Variants in ATP1B1 observed in about 807,000 individuals in gnomAD.
The protein encoded by ATP1B1 is ATPase Na+/K+ transporting subunit beta 1.
ATP1B1 carries 3 observed loss-of-function variants against 39.6 expected under a neutral mutation model. The observed-to-expected ratio is 0.08, with a 90% confidence interval of 0.03 to 0.20. The LOEUF is 0.20. Among genes scored for constraint, ATP1B1 ranks in the 10% least tolerant of loss-of-function variants. The pLI is 1.00. For synonymous variants in ATP1B1, 139 were observed against 135.0 expected (o/e 1.03, Z -0.20); for missense variants, 216 against 371.1 (o/e 0.58, Z 3.43).
intron 1 of ATP1B1, among the ~76,000 whole-genome samples, chr1:169,108,519 G>A (rs1196980002): frequency 6.6e-6 from 1 of 152,204 alleles, no homozygotes; most frequent in African/African-American, 2.4e-5. Flanking sequence ...CACAGGGGCA[G>A]GGGCTGCATT....
chr1:169,131,219 GAGTCTT>G lies in ATP1B1; in HGVS notation c.649-72_649-67del. 7.1e-7 allele frequency: 1 copy of G among 1,403,898 alleles called. No individual in the cohort carries two copies. The highest frequency in any genetic ancestry group is 9.4e-7 in the Non-Finnish European group (1 of 1,060,822). 87.0% of individuals were successfully genotyped at this position (1,403,898 alleles called of 1,614,324 possible). A position where few individuals can be genotyped will look rare whatever the true frequency, so the allele number is the denominator to read the frequency against. Reference sequence around the variant, plus strand: ...TAGTTTGCAAACTACTGTGTAGATTGAGTCTTGTTTTTGAGTACACATAGTGATGCA... The same window carrying G: ...TAGTTTGCAAACTACTGTGTAGATTGGTTTTTGAGTACACATAGTGATGCA... On this transcript the variant is annotated intron_variant, in intron 5 of 5. Coordinates refer to ENST00000367815, the MANE Select transcript of ATP1B1 (RefSeq NM_001677.4). The surrounding 1 kb of genome is among the most constrained non-coding windows in gnomAD (Gnocchi z 4.4).
chr1:169,111,542 G>C (rs1012247713), intron 2 of ATP1B1, 44 bp downstream of exon 2: 1 of 1,584,726 alleles, frequency 6.3e-7, no homozygotes, highest in Non-Finnish European at 8.6e-7. Context: ...GAGATAGCAT[G>C]GGTGTCACTT....
At chr1:169,126,753 C>T (rs1163786769) in intron 3 of ATP1B1, among the ~76,000 whole-genome samples, 1 of 152,012 alleles carries the variant, frequency 6.6e-6, no homozygotes, top group African/African-American at 2.4e-5. Flanking sequence ...AATACCAGTT[C>T]CTTTTTAAAA....
chr1:169,113,960 T>TG (rs1036825266), intron 2 of ATP1B1, among the ~76,000 whole-genome samples: 21 of 152,240 alleles, frequency 1.4e-4, no homozygotes, highest in African/African-American at 4.6e-4. Context: ...CCTTACCCTG[T>TG]GGGGTTTTTC....
intron 2 of ATP1B1, among the ~76,000 whole-genome samples, chr1:169,116,353 T>C (rs778235179): frequency 2.0e-5 from 3 of 150,298 alleles, no homozygotes; most frequent in African/African-American, 4.9e-5. Flanking sequence ...TTCTCTCTTT[T>C]AAGGTTGTGG....
At chr1:169,116,081 G>T (rs150068364) in intron 2 of ATP1B1, among the ~76,000 whole-genome samples, 1 of 152,252 alleles carries the variant, frequency 6.6e-6, no homozygotes, top group Admixed American at 6.5e-5. Flanking sequence ...ACATGCAAGC[G>T]TGCACACACA....
intron 4 of ATP1B1, among the ~76,000 whole-genome samples, chr1:169,127,989 T>A (rs576140391): frequency 7.7e-4 from 118 of 152,322 alleles, no homozygotes; most frequent in Non-Finnish European, 1.2e-3. Context: ...CTTTTTGTAT[T>A]ACTGCAACTT....
intron 2 of ATP1B1, among the ~76,000 whole-genome samples, chr1:169,113,753 C>T (rs1253690997): frequency 6.6e-6 from 1 of 152,210 alleles, no homozygotes; most frequent in Non-Finnish European, 1.5e-5. Flanking sequence ...ACCTGACAAA[C>T]CCTGACTTCT....
rs34447553 is a variant in ATP1B1 at position 169,132,019 on chromosome 1, A to ATTTTTTTTTTTTTTTTTTTTTT, written c.*465_*486dup. 5.4e-6 allele frequency: 1 copy of ATTTTTTTTTTTTTTTTTTTTTT among 186,520 alleles called. No homozygotes were observed. 11.6% of individuals were successfully genotyped at this position (186,520 alleles called of 1,614,324 possible). A position where few individuals can be genotyped will look rare whatever the true frequency, so the allele number is the denominator to read the frequency against. Reference sequence around the variant, plus strand: ...CAACGGGAATAAAACTGGCATGGTAATTTTTTTTTTTTTTTTTTTTTTGTT... The same window carrying ATTTTTTTTTTTTTTTTTTTTTT: ...CAACGGGAATAAAACTGGCATGGTAATTTTTTTTTTTTTTTTTTTTTTTTTTTTTTTTTTTTTTTTTTTTGTT... On this transcript the variant is annotated 3_prime_UTR_variant, in exon 6 of 6. Coordinates refer to ENST00000367815, the MANE Select transcript of ATP1B1 (RefSeq NM_001677.4).
rs560483449 is a variant in ATP1B1, at chr1:169,127,500, T to C, written c.567+92T>C. 5 of 1,377,770 alleles carry C rather than the reference T, an allele frequency of 3.6e-6. No homozygotes were observed. In the South Asian group the frequency reaches 5.7e-5, roughly 16 times the overall value. 85.3% of individuals were successfully genotyped at this position (1,377,770 alleles called of 1,614,324 possible). ...AAGACAATGTAAGATAGTTTTAAAG[T>C]ATACTCAGTGCTGACTTTGAAACGT... On this transcript the variant is annotated intron_variant, in intron 4 of 5. Coordinates refer to ENST00000367815, the MANE Select transcript of ATP1B1 (RefSeq NM_001677.4).
intron 4 of ATP1B1, among the ~76,000 whole-genome samples, chr1:169,129,300 C>T (rs1157530979): frequency 2.0e-5 from 3 of 152,156 alleles, no homozygotes; most frequent in African/African-American, 7.2e-5. Flanking sequence ...GAAGTATGTT[C>T]ATCACACTTC....
At chr1:169,108,718 G>A (rs920006381) in intron 1 of ATP1B1, among the ~76,000 whole-genome samples, 2 of 152,192 alleles carry the variant, frequency 1.3e-5, no homozygotes, top group African/African-American at 4.8e-5. Context: ...AAGAGAGACC[G>A]TGTGTGTCAA....
At chr1:169,125,742 G>A (rs1658072179) in intron 3 of ATP1B1, among the ~76,000 whole-genome samples, 1 of 152,148 alleles carries the variant, frequency 6.6e-6, no homozygotes, top group South Asian at 2.1e-4. Flanking sequence ...GGGAGGCTGA[G>A]GAGGGAGGAT....
At chr1:169,130,212 C>CATAT in intron 5 of ATP1B1, 122 bp downstream of exon 5, 2 of 834,702 alleles carry the variant, frequency 2.4e-6, no homozygotes, top group Non-Finnish European at 3.8e-6. Flanking sequence ...ACATTGCTTT[C>CATAT]AAGTATAAGT....
In ATP1B1 at chr1:169,124,988, A is replaced by G. The variant is rs1274452318; in HGVS notation, c.331A>G (p.Lys111Glu). The G allele has an allele frequency of 6.2e-7, 1 of 1,613,940 alleles. No individual in the cohort carries two copies. The highest frequency in any genetic ancestry group is 2.2e-5 in the East Asian group (1 of 44,878). Reference protein sequence around the residue: ...YVLNIVRFLEKYKDSAQRDDM... With the variant: ...YVLNIVRFLEEYKDSAQRDDM... The stretch of plus-strand genomic sequence containing the variant: ...ACTGAACATAGTTAGGTTCCTGGAA[A>G]AGTACAAAGATTCAGCCCAGAGGGA... Residue 111 changes from lysine (K) to glutamate (E), a missense_variant, in exon 3 of 6, where the codon AAG (lysine) becomes GAG (glutamate). Physicochemically the swap from Lys to Glu is moderately conservative, Grantham distance 56. Transcript: ENST00000367815.
Position 169,124,869 on chromosome 1 carries a change from C to G in ATP1B1, c.227-15C>G. ...TCTGCCTTCCTACTAATGTTTTTCT[C>G]TCTGCCTGGTCTAGGATTAACACAG... On this transcript the variant is annotated splice_polypyrimidine_tract_variant and intron_variant, in intron 2 of 5. Transcript: ENST00000367815. 1 of 1,608,486 alleles carries G rather than the reference C, an allele frequency of 6.2e-7. No homozygotes were observed. Among genetic ancestry groups the G allele is most frequent in the Non-Finnish European group, 8.5e-7 (1 of 1,178,146 alleles).
At chr1:169,110,891 G>A (rs1657715147) in intron 1 of ATP1B1, among the ~76,000 whole-genome samples, 1 of 152,164 alleles carries the variant, frequency 6.6e-6, no homozygotes, top group Admixed American at 6.5e-5. Flanking sequence ...AGGCATCTGA[G>A]CATTTGGAGA....
At chr1:169,116,864 C>G (rs1164196587) in intron 2 of ATP1B1, among the ~76,000 whole-genome samples, 1 of 150,738 alleles carries the variant, frequency 6.6e-6, no homozygotes, top group African/African-American at 2.4e-5. Flanking sequence ...AAAAAAAAAA[C>G]CAAAAACAAA....
intron 2 of ATP1B1, among the ~76,000 whole-genome samples, chr1:169,111,875 A>T (rs146012708): frequency 6.6e-6 from 1 of 152,052 alleles, no homozygotes; most frequent in Non-Finnish European, 1.5e-5. Context: ...TCTAACAGAC[A>T]TTTTTTTACT....
Sources: allele counts gnomAD v4.1 joint callset (sites outside exome capture counted in the v4.1 genomes callset), GRCh38; gene constraint gnomAD v4.1.1; non-coding constraint Gnocchi (gnomAD v3.1); transcripts MANE v1.5; gene names NCBI Gene and HGNC (gene_info 2026-07-23, HGNC 2026-07-21).